The following NELL1 variants were observed in gnomAD, a reference collection of about 807,000 sequenced individuals.
The protein encoded by NELL1 is protein kinase C-binding protein NELL1.
A neutral mutation model predicts 107.4 loss-of-function variants in NELL1; 76 were observed. The observed-to-expected ratio is 0.71, with a 90% CI of 0.59 to 0.86. NELL1 has a LOEUF of 0.86. NELL1 is among the 40% of genes least tolerant of loss of function. NELL1 has a pLI of 0.00. For synonymous variants in NELL1, 353 were observed against 341.2 expected (o/e 1.03, Z -0.38); for missense variants, 1,024 against 1,005.5 (o/e 1.02, Z -0.25).
chr11:20,750,279 T>G lies in NELL1; in HGVS notation c.185-33401T>G, dbSNP rs143284825. Among the ~76,000 whole-genome samples the G allele has an allele frequency of 6.7e-3, 1,021 of 152,264 alleles. 7 individuals are homozygous for G. The highest frequency in any genetic ancestry group is 0.024 in the African/African-American group (983 of 41,560). On this transcript the variant is annotated intron_variant, in intron 2 of 19. Transcript: ENST00000357134. ...AAGTCTTTTCTTCATTATTATTATT[T>G]AAAAAATGGACTTGTAGGAGTTCTT...
At chr11:21,233,885 T>C (rs1016674555) in intron 14 of NELL1, among the ~76,000 whole-genome samples, 1 of 152,348 alleles carries the variant, frequency 6.6e-6, no homozygotes, top group African/African-American at 2.4e-5. Flanking sequence ...TAATGACTGA[T>C]AATATTAACA....
At chr11:20,944,442 G>T (rs1850922486) in intron 10 of NELL1, among the ~76,000 whole-genome samples, 1 of 152,062 alleles carries the variant, frequency 6.6e-6, no homozygotes, top group Non-Finnish European at 1.5e-5. Flanking sequence ...TTTACTTGAA[G>T]TTGTAAGTTT....
rs537677114 is a variant in NELL1 at position 21,338,373 on chromosome 11, C to T, written c.1550-32480C>T. Among the ~76,000 whole-genome samples the T allele has an allele frequency of 1.1e-3, 164 of 152,300 alleles. 1 individual carries two copies. The highest frequency in any genetic ancestry group is 3.8e-3 in the African/African-American group (156 of 41,564). ...AAAATACATATGGTTGCCCATCACA[C>T]ACACTTTAACTGGGTATGTGCATCG... is the stretch of plus-strand genomic sequence containing the variant. On this transcript the variant is annotated intron_variant, in intron 14 of 19. Coordinates refer to ENST00000357134, the MANE Select transcript of NELL1 (RefSeq NM_006157.5).
intron 4 of NELL1, among the ~76,000 whole-genome samples, chr11:20,864,261 G>T (rs1031848309): frequency 1.3e-5 from 2 of 152,188 alleles, no homozygotes; most frequent in Admixed American, 1.3e-4. Flanking sequence ...GGAATGGTTA[G>T]AACTAGCTAA....
intron 15 of NELL1, among the ~76,000 whole-genome samples, chr11:21,421,592 C>T (rs970393859): frequency 2.6e-5 from 4 of 152,062 alleles, no homozygotes; most frequent in African/African-American, 7.2e-5. Flanking sequence ...CACCCCCTCA[C>T]GTCCCCACCC....
Position 21,433,602 on chromosome 11 carries a change from T to C in NELL1, c.1645+62654T>C, listed in dbSNP as rs72964032. Among the ~76,000 whole-genome samples, 269 of 152,212 alleles carry C rather than the reference T, an allele frequency of 1.8e-3. 1 individual carries two copies. Among genetic ancestry groups the C allele is most frequent in the Admixed American group, 3.1e-3 (47 of 15,276 alleles). On this transcript the variant is annotated intron_variant, in intron 15 of 19. Transcript: ENST00000357134. ...GGGGTATGATGAGACCTTATTATGGTTTTTTGTTTTTATTTTGGTGATGAT... is the reference window on the plus strand; with the variant it reads ...GGGGTATGATGAGACCTTATTATGGCTTTTTGTTTTTATTTTGGTGATGAT...
chr11:21,020,588 A>T (rs1852674861), intron 12 of NELL1, among the ~76,000 whole-genome samples: 1 of 151,994 alleles, frequency 6.6e-6, no homozygotes, highest in African/African-American at 2.4e-5. Context: ...TCTCCTTATT[A>T]GCCTAACCCA....
intron 5 of NELL1, among the ~76,000 whole-genome samples, chr11:20,909,310 T>G (rs1342182950): frequency 2.0e-5 from 3 of 152,168 alleles, no homozygotes; most frequent in Non-Finnish European, 4.4e-5. Context: ...TTAAAATGTT[T>G]ATAATGGAAA....
At chr11:20,791,969 G>T (rs1185933936) in intron 3 of NELL1, among the ~76,000 whole-genome samples, 1 of 151,952 alleles carries the variant, frequency 6.6e-6, no homozygotes, top group African/African-American at 2.4e-5. Flanking sequence ...AATTCCACTT[G>T]GCTATGTTCC....
intron 14 of NELL1, among the ~76,000 whole-genome samples, chr11:21,243,629 AC>A (rs1429731897): frequency 6.6e-6 from 1 of 152,152 alleles, no homozygotes; most frequent in Non-Finnish European, 1.5e-5. Flanking sequence ...TTAGTAGAAG[AC>A]GTAAAGGCTC....
chr11:21,321,691 A>T (rs752678876), intron 14 of NELL1, among the ~76,000 whole-genome samples: 4 of 152,194 alleles, frequency 2.6e-5, no homozygotes, highest in Non-Finnish European at 5.9e-5. Context: ...CTGCAGCTGG[A>T]GATGTGAAAT....
At chr11:21,119,493 C>T (rs1855315124) in intron 13 of NELL1, among the ~76,000 whole-genome samples, 1 of 151,922 alleles carries the variant, frequency 6.6e-6, no homozygotes. Context: ...TAATCTTTAC[C>T]TCCCTGGGGA....
At chr11:21,527,445 C>G (rs1225441601) in intron 15 of NELL1, among the ~76,000 whole-genome samples, 1 of 152,138 alleles carries the variant, frequency 6.6e-6, no homozygotes. Flanking sequence ...TACCCAGTTC[C>G]AAAATCATTT....
chr11:21,348,672 G>C (rs916944674), intron 14 of NELL1, among the ~76,000 whole-genome samples: 2 of 152,096 alleles, frequency 1.3e-5, no homozygotes, highest in Admixed American at 1.3e-4. Flanking sequence ...CATTTTTAAA[G>C]GGCTTTGATA....
chr11:20,976,052 ATACATATATCTG>A (rs1273106968), intron 12 of NELL1, among the ~76,000 whole-genome samples: 6 of 145,988 alleles, frequency 4.1e-5, no homozygotes, highest in African/African-American at 1.5e-4. Flanking sequence ...ACATTTATAT[ATACATATATCTG>A]TACATATATG....
chr11:21,176,823 T>C (rs1856723077), intron 13 of NELL1, among the ~76,000 whole-genome samples: 1 of 151,782 alleles, frequency 6.6e-6, no homozygotes, highest in South Asian at 2.1e-4. Context: ...TTCATATCTA[T>C]TATTTAAGCC....
intron 2 of NELL1, among the ~76,000 whole-genome samples, chr11:20,728,909 T>C (rs12363115): frequency 0.12 from 18,179 of 152,178 alleles, 1,169 homozygotes; most frequent in Non-Finnish European, 0.15. Context: ...TATGGCCATG[T>C]TAATGATGTT....
intron 15 of NELL1, among the ~76,000 whole-genome samples, chr11:21,433,016 C>T (rs866956581): frequency 1.1e-4 from 17 of 152,262 alleles, no homozygotes; most frequent in African/African-American, 2.9e-4. Context: ...TCCTTCCCTC[C>T]CTCTTCCCTT....
chr11:21,405,983 C>G (rs1041179524), intron 15 of NELL1, among the ~76,000 whole-genome samples: 2 of 151,722 alleles, frequency 1.3e-5, no homozygotes, highest in Admixed American at 1.3e-4. Flanking sequence ...AACCACAATT[C>G]ATAGACTGAG....
Sources: allele counts gnomAD v4.1 joint callset (sites outside exome capture counted in the v4.1 genomes callset), GRCh38; gene constraint gnomAD v4.1.1; transcripts MANE v1.5; gene names NCBI Gene and HGNC (gene_info 2026-07-23, HGNC 2026-07-21).